IL18R1: variants seen among roughly 807,000 people sequenced by gnomAD.
IL18R1 encodes interleukin-18 receptor 1.
IL18R1 carries 40 observed loss-of-function variants against 48.5 expected under a neutral mutation model. The observed-to-expected ratio is 0.82, with a 90% CI of 0.64 to 1.07. IL18R1 has a LOEUF of 1.07. Among genes scored for constraint, IL18R1 ranks in the 50% least tolerant of loss-of-function variants. The probability of loss-of-function intolerance (pLI) is 0.00; values close to 1 mark genes in which losing one functional copy is unlikely to be tolerated. For missense variants in IL18R1, 596 were observed against 633.7 expected, an observed-to-expected ratio of 0.94 and a Z score of 0.64; for synonymous variants, 232 against 225.9, an observed-to-expected ratio of 1.03 and a Z score of -0.24.
At chr2:102,390,974 T>C (rs1201376628) in intron 9 of IL18R1, among the ~76,000 whole-genome samples, 1 of 143,534 alleles carries the variant, frequency 7.0e-6, no homozygotes. Context: ...AACCCCGAGC[T>C]GGAAGCCAAA....
intron 5 of IL18R1, among the ~76,000 whole-genome samples, chr2:102,379,444 CAAA>C (rs112656218): frequency 2.4e-4 from 25 of 102,976 alleles, no homozygotes; most frequent in African/African-American, 8.7e-4. Context: ...GACTCGGTCT[CAAA>C]AAAAAAAAAA....
chr2:102,361,941 C>T (rs1433402672), intron 1 of IL18R1, among the ~76,000 whole-genome samples: 3 of 152,152 alleles, frequency 2.0e-5, no homozygotes, highest in African/African-American at 7.2e-5. Context: ...GTGTAGGAGA[C>T]TGTCACTTCA....
chr2:102,375,986 A>C lies in IL18R1; in HGVS notation c.548A>C (p.Tyr183Ser). 2 of 1,609,578 alleles carry C rather than the reference A, an allele frequency of 1.2e-6. No individual in the cohort carries two copies. Among genetic ancestry groups the C allele is most frequent in the Non-Finnish European group, 1.7e-6 (2 of 1,178,290 alleles). Reference sequence around the variant, plus strand: ...GCCGAGTTTGAAGATCAGGGGTATTACTCCTGCGTGCATTTCCTTCATCAT... The same window carrying C: ...GCCGAGTTTGAAGATCAGGGGTATTCCTCCTGCGTGCATTTCCTTCATCAT... The part of the protein sequence containing the change: ...KNAEFEDQGY[Y>S]SCVHFLHHNG... The change falls in exon 5 of 11, where the codon TAC becomes TCC. Residue 183 changes from tyrosine (Y) to serine (S), a missense_variant. Tyr to Ser is a moderately radical substitution (Grantham distance 144, BLOSUM62 -2). This residue lies in a region of IL18R1 where 360 missense variants were observed against 339.4 expected (regional missense o/e 1.06). Transcript: ENST00000233957.
intron 2 of IL18R1, among the ~76,000 whole-genome samples, chr2:102,364,328 G>A (rs543466380): frequency 2.2e-4 from 33 of 152,244 alleles, no homozygotes; most frequent in Admixed American, 1.3e-3. Context: ...ATGGTAACAC[G>A]ATTAGATACT....
At chr2:102,388,144 G>C (rs1680348496) in intron 8 of IL18R1, among the ~76,000 whole-genome samples, 1 of 152,142 alleles carries the variant, frequency 6.6e-6, no homozygotes, top group African/African-American at 2.4e-5. Context: ...AGAGCACAAA[G>C]GCTGGAAACC....
chr2:102,366,488 A>G (rs1308111565), intron 2 of IL18R1, among the ~76,000 whole-genome samples: 1 of 152,114 alleles, frequency 6.6e-6, no homozygotes, highest in East Asian at 1.9e-4. Context: ...AACTGTTCCA[A>G]CTGTTCCAAA....
chr2:102,378,496 A>G (rs550540501), intron 5 of IL18R1, among the ~76,000 whole-genome samples: 3 of 152,316 alleles, frequency 2.0e-5, no homozygotes, highest in South Asian at 2.1e-4. Flanking sequence ...ATAATTGTCC[A>G]TCTTATTTTT....
rs543386057 is a variant in IL18R1, at chr2:102,395,754, T to G, written c.1271-777T>G. Among the ~76,000 whole-genome samples, 21 of 152,348 alleles carry G rather than the reference T, an allele frequency of 1.4e-4. No homozygotes were observed. The South Asian group carries it at 4.3e-3, about 32-fold the overall frequency. On this transcript the variant is annotated intron_variant, in intron 10 of 10. Coordinates refer to ENST00000233957, the MANE Select transcript of IL18R1 (RefSeq NM_003855.5). ...TAAAAATAATGTTTGAATATTCAGC[T>G]GTAATTAGGTTTGGTTAAACCTCTA...
rs762276510 is a variant in IL18R1 at position 102,371,998 on chromosome 2, A to G, written c.348A>G (p.Lys116=). 7.6e-6 allele frequency: 12 copies of G among 1,582,126 alleles called. No individual in the cohort carries two copies. In the Admixed American group the frequency reaches 1.6e-4, roughly 21 times the overall value. ...KWKLNVIRRN[K]HSCFTERQVT... ...AATTAAATGTCATCAGAAGAAATAA[A>G]CACAGCTGTTTCACTGAAAGACAAG... The change falls in exon 4 of 11, where the codon AAA becomes AAG. Residue 116 remains lysine (K), a synonymous_variant. Transcript: ENST00000233957.
chr2:102,367,714 G>A, intron 2 of IL18R1, 111 bp from the exon 3 acceptor site: 2 of 876,494 alleles, frequency 2.3e-6, no homozygotes, highest in Non-Finnish European at 3.4e-6. Context: ...GATTTCTCAG[G>A]ACTTTCTTGC....
Position 102,397,817 on chromosome 2 carries a change from G to A in IL18R1, c.*931G>A, listed in dbSNP as rs1349739163. 1.3e-5 allele frequency: 2 copies of A among 152,320 alleles called. No homozygotes were observed. The highest frequency in any genetic ancestry group is 4.8e-5 in the African/African-American group (2 of 41,464). 9.4% of individuals were successfully genotyped at this position (152,320 alleles called of 1,614,324 possible). ...GCTGTGCAGCCCATCCTGAGCTCCA[G>A]TCCTGAGTTTGCTACTTACTTCTGT... On this transcript the variant is annotated 3_prime_UTR_variant, in exon 11 of 11. Coordinates refer to ENST00000233957, the MANE Select transcript of IL18R1 (RefSeq NM_003855.5).
chr2:102,393,109 A>G (rs1680638008), intron 9 of IL18R1, among the ~76,000 whole-genome samples: 1 of 152,340 alleles, frequency 6.6e-6, no homozygotes, highest in African/African-American at 2.4e-5. Flanking sequence ...CCATTACATC[A>G]TAAGAAAATT....
rs1466078598 is a variant in IL18R1, at chr2:102,396,808, TC to T, written c.1549del (p.Leu517PhefsTer3). 1.9e-6 allele frequency: 3 copies of T among 1,613,844 alleles called. No individual in the cohort carries two copies. Among genetic ancestry groups the T allele is most frequent in the African/African-American group, 1.3e-5 (1 of 74,994 alleles). On this transcript the variant is annotated frameshift_variant, in exon 11 of 11. Coordinates refer to ENST00000233957, the MANE Select transcript of IL18R1 (RefSeq NM_003855.5). LOFTEE classifies it low-confidence loss of function (END_TRUNC). ...SYNSRFWKNL[L>X]YLMPAKTVKP... ...ATAACTCAAGGTTCTGGAAGAACCT[TC>T]TTTACTTAATGCCTGCAAAAACAGT... is the stretch of plus-strand genomic sequence containing the variant.
At position 102,367,805 on chromosome 2, in the gene IL18R1, A is replaced by G; in HGVS notation, c.59-20A>G. 2 of 1,592,678 alleles carry G rather than the reference A, an allele frequency of 1.3e-6. No individual in the cohort carries two copies. The highest frequency in any genetic ancestry group is 1.7e-6 in the Non-Finnish European group (2 of 1,166,300). On this transcript the variant is annotated intron_variant, in intron 2 of 10. Coordinates refer to ENST00000233957, the MANE Select transcript of IL18R1 (RefSeq NM_003855.5). The stretch of plus-strand genomic sequence containing the variant: ...TTTGGTTTTTGTTTTTATTTATTTT[A>G]CTTTACTAATCTTTTGAAGAATCTT...
In IL18R1 at chr2:102,381,608, TG is replaced by T. The variant is rs1243361477; in HGVS notation, c.626-11del. 2 of 1,607,850 alleles carry T rather than the reference TG, an allele frequency of 1.2e-6. No individual in the cohort carries two copies. The highest frequency in any genetic ancestry group is 1.7e-6 in the Non-Finnish European group (2 of 1,174,372). ...ACACTAATACATTTGTCTTTTCTTT[TG>T]TCACTTCTAGATCGCAGTAATATAG... On this transcript the variant is annotated splice_polypyrimidine_tract_variant and intron_variant, in intron 5 of 10. Transcript: ENST00000233957.
At chr2:102,388,438 C>T (rs1425107485) in intron 8 of IL18R1, among the ~76,000 whole-genome samples, 1 of 152,226 alleles carries the variant, frequency 6.6e-6, no homozygotes, top group Non-Finnish European at 1.5e-5. Flanking sequence ...GGGCTTGTCG[C>T]CTGTGGTCTT....
In IL18R1 at chr2:102,396,811, T is replaced by C. The variant is rs745504223; in HGVS notation, c.1551T>C (p.Leu517=). The change falls in exon 11 of 11, where the codon CTT becomes CTC. Residue 517 remains leucine, a synonymous_variant. Coordinates refer to ENST00000233957, the MANE Select transcript of IL18R1 (RefSeq NM_003855.5). ...ACTCAAGGTTCTGGAAGAACCTTCTTTACTTAATGCCTGCAAAAACAGTCA... is the reference window on the plus strand; with the variant it reads ...ACTCAAGGTTCTGGAAGAACCTTCTCTACTTAATGCCTGCAAAAACAGTCA... The part of the protein sequence containing the change: ...SYNSRFWKNL[L]YLMPAKTVKP... 3.7e-6 allele frequency: 6 copies of C among 1,613,536 alleles called. No homozygotes were observed. The highest frequency in any genetic ancestry group is 1.7e-5 in the Admixed American group (1 of 59,906).
At chr2:102,375,396 G>A (rs1246006396) in intron 4 of IL18R1, among the ~76,000 whole-genome samples, 1 of 152,128 alleles carries the variant, frequency 6.6e-6, no homozygotes, top group African/African-American at 2.4e-5. Context: ...CAGCTCGCTG[G>A]CTTCTGATGG....
chr2:102,396,893 GA>G lies in IL18R1; in HGVS notation c.*10del. Reference sequence around the variant, plus strand: ...TGTTCTTTCCGAGTCTTAATCTTCAGAAACAGTGAACGCCAAAAAGAACTCA... The same window carrying G: ...TGTTCTTTCCGAGTCTTAATCTTCAGAACAGTGAACGCCAAAAAGAACTCA... On this transcript the variant is annotated 3_prime_UTR_variant, in exon 11 of 11. Coordinates refer to ENST00000233957, the MANE Select transcript of IL18R1 (RefSeq NM_003855.5). 6.5e-7 allele frequency: 1 copy of G among 1,538,396 alleles called. No homozygotes were observed. Among genetic ancestry groups the G allele is most frequent in the Non-Finnish European group, 8.8e-7 (1 of 1,136,802 alleles).
Sources: gnomAD v4.1 joint callset for allele counts (sites outside exome capture counted in the v4.1 genomes callset) on GRCh38, gnomAD v4.1.1 for gene constraint, gnomAD v4.1.1 regional missense constraint, MANE v1.5 for transcripts, NCBI Gene and HGNC (gene_info 2026-07-23, HGNC 2026-07-21) for gene names.